ABCC6: variants seen among roughly 807,000 people sequenced by gnomAD.
The protein encoded by ABCC6 is ATP binding cassette subfamily C member 6.
In ABCC6, 126 loss-of-function variants were observed where a neutral mutation model predicts 169.5. The observed-to-expected ratio is 0.74, with a 90% CI of 0.64 to 0.86. ABCC6 has a LOEUF of 0.86. Among genes scored for constraint, ABCC6 ranks in the 40% least tolerant of loss-of-function variants. ABCC6 has a pLI of 0.00. For missense variants in ABCC6, 1,733 were observed against 1,927.2 expected (o/e 0.90, Z 1.89); for synonymous variants, 752 against 814.7 (o/e 0.92, Z 1.31).
At chr16:16,192,288 G>A (rs955767478) in intron 11 of ABCC6, among the ~76,000 whole-genome samples, 4 of 152,134 alleles carry the variant, frequency 2.6e-5, no homozygotes. Flanking sequence ...GAGGTTGGAA[G>A]CAATAAGGCC....
In ABCC6 at chr16:16,187,356, A is replaced by G. The variant is rs1217306256; in HGVS notation, c.1780-145T>C. 7.0e-6 allele frequency: 5 copies of G among 716,644 alleles called. No individual in the cohort carries two copies. In the East Asian group the frequency reaches 1.4e-4, roughly 19 times the overall value. The allele number at this position is 716,644 out of a possible 1,614,324, so 44.4% of individuals were successfully genotyped here. ...GCGTGAGGACAAAGCTTTCTAGTTC[A>G]TGGGAAACGATGCAACCCGAGTGGT... On this transcript the variant is annotated intron_variant, in intron 13 of 30. Transcript: ENST00000205557.
rs1388953241 is a variant in ABCC6 at position 16,150,743 on chromosome 16, G to C, written c.4238C>G (p.Ala1413Gly). Residue 1413 changes from alanine to glycine, a missense_variant, in exon 30 of 31, where the codon GCA becomes GGA. Coordinates refer to ENST00000205557, the MANE Select transcript of ABCC6 (RefSeq NM_001171.6). ...SVGQKQLLCLARALLRKTQIL... is the reference protein window; with the variant it reads ...SVGQKQLLCLGRALLRKTQIL... The stretch of plus-strand genomic sequence containing the variant: ...CTGGGTCTTCCGGAGAAGGGCACGT[G>C]CCAGACACAGGAGCTGTTTCTGGCC... 3.7e-6 allele frequency: 6 copies of C among 1,613,858 alleles called. No homozygotes were observed. Among genetic ancestry groups the C allele is most frequent in the Non-Finnish European group, 5.1e-6 (6 of 1,179,950 alleles).
intron 16 of ABCC6, 79 bp downstream of exon 16, chr16:16,182,725 G>A: frequency 6.2e-7 from 1 of 1,607,022 alleles, no homozygotes; most frequent in East Asian, 2.2e-5. Context: ...TGGCTGGGAT[G>A]GGGAGGGTGG....
Position 16,161,378 on chromosome 16 carries a change from G to A in ABCC6, c.3633+60C>T, listed in dbSNP as rs1470705095. 1.9e-6 allele frequency: 3 copies of A among 1,611,408 alleles called. No homozygotes were observed. In the Admixed American group the frequency reaches 5.0e-5, roughly 27 times the overall value. On this transcript the variant is annotated intron_variant, in intron 25 of 30. Transcript: ENST00000205557. ...GGTCTTCAAAGGTCCCACTAGCAGGGGTCCGACAGTCTCTGCCTCTGTCTG... is the reference window on the plus strand; with the variant it reads ...GGTCTTCAAAGGTCCCACTAGCAGGAGTCCGACAGTCTCTGCCTCTGTCTG...
intron 27 of ABCC6, chr16:16,155,369 T>C (rs201990075): frequency 1.3e-5 from 5 of 398,818 alleles, no homozygotes; most frequent in African/African-American, 1.0e-4. Flanking sequence ...TCCATCTGTC[T>C]GTCCGTCCAT....
In ABCC6 at chr16:16,157,791, T is replaced by C. The variant is rs1344983862; in HGVS notation, c.3754A>G (p.Thr1252Ala). 5.0e-6 allele frequency: 8 copies of C among 1,612,382 alleles called. No individual in the cohort carries two copies. The highest frequency in any genetic ancestry group is 6.8e-6 in the Non-Finnish European group (8 of 1,179,934). The change falls in exon 27 of 31, where the codon ACA (threonine) becomes GCA (alanine). Residue 1252 changes from threonine to alanine, a missense_variant. This residue lies in a region of ABCC6 where 1,601 missense variants were observed against 1,635.5 expected (regional missense o/e 0.98). Coordinates refer to ENST00000205557, the MANE Select transcript of ABCC6 (RefSeq NM_001171.6). ...TPKEAPWRLP[T>A]CAAQPPWPQG... Reference sequence around the variant, plus strand: ...GGCCAGGGGGGCTGAGCTGCACATGTGGGCAGCCTCCAGGGAGCCTGGAGC... The same window carrying C: ...GGCCAGGGGGGCTGAGCTGCACATGCGGGCAGCCTCCAGGGAGCCTGGAGC...
At chr16:16,154,598 C>T in intron 29 of ABCC6, 30 bp downstream of exon 29, 2 of 1,611,214 alleles carry the variant, frequency 1.2e-6, no homozygotes, top group East Asian at 4.5e-5. Flanking sequence ...CTCCCACCTG[C>T]AGGTCCCAGC....
intron 18 of ABCC6, among the ~76,000 whole-genome samples, chr16:16,178,078 C>G (rs1351231439): frequency 3.3e-5 from 5 of 151,990 alleles, no homozygotes; most frequent in Non-Finnish European, 5.9e-5. Context: ...GTAATCCCAG[C>G]ACTTTGGGAG....
chr16:16,182,970 T>C, intron 15 of ABCC6, 40 bp from the exon 16 acceptor site: 2 of 1,614,068 alleles, frequency 1.2e-6, no homozygotes, highest in Non-Finnish European at 1.7e-6. Context: ...TGGTTAGGGT[T>C]CAGCCCGCCT....
intron 7 of ABCC6, among the ~76,000 whole-genome samples, chr16:16,205,290 C>A (rs1385663630): frequency 1.3e-5 from 2 of 152,166 alleles, no homozygotes; most frequent in African/African-American, 2.4e-5. Flanking sequence ...GAAGCTGAGG[C>A]TCTGAGAGAT....
Position 16,187,118 on chromosome 16 carries a change from A to T in ABCC6, c.1867+6T>A. On this transcript the variant is annotated splice_donor_region_variant and intron_variant, in intron 14 of 30. Coordinates refer to ENST00000205557, the MANE Select transcript of ABCC6 (RefSeq NM_001171.6). ...CCACACCCCTCCTGCCAGACTCAGC[A>T]CTCACCGCTTCCAGAGGAACTTGAG... 1 of 1,610,628 alleles carries T rather than the reference A, an allele frequency of 6.2e-7. No homozygotes were observed. Among genetic ancestry groups the T allele is most frequent in the Non-Finnish European group, 8.5e-7 (1 of 1,177,874 alleles).
At position 16,154,935 on chromosome 16, in the gene ABCC6, C is replaced by T. The variant is rs79536709; in HGVS notation, c.3979G>A (p.Gly1327Arg). The T allele has an allele frequency of 1.5e-4, 244 of 1,600,910 alleles. 1 individual carries two copies. Among genetic ancestry groups the T allele is most frequent in the Non-Finnish European group, 1.7e-4 (199 of 1,174,006 alleles). ...AGCCCCACGTGGGCAATGGGGACCC[C>T]GTCGATCCAGATCCCACCCTCAGCT... is the stretch of plus-strand genomic sequence containing the variant. ...EAAEGGIWID[G>R]VPIAHVGLHT... The change falls in exon 28 of 31, where the codon GGG becomes AGG. Residue 1327 changes from glycine to arginine, a missense_variant. Gly to Arg is a moderately radical substitution (Grantham distance 125, BLOSUM62 -2). Coordinates refer to ENST00000205557, the MANE Select transcript of ABCC6 (RefSeq NM_001171.6).
rs769820268 is a variant in ABCC6, at chr16:16,157,723, G to T, written c.3822C>A (p.Tyr1274Ter). The T allele has an allele frequency of 6.2e-7, 1 of 1,614,026 alleles. No individual in the cohort carries two copies. Among genetic ancestry groups the T allele is most frequent in the Admixed American group, 1.7e-5 (1 of 60,016 alleles). Residue 1274 changes from tyrosine to a stop codon, truncating the protein, a stop_gained, in exon 27 of 31, where the codon TAC becomes TAA. Coordinates refer to ENST00000205557, the MANE Select transcript of ABCC6 (RefSeq NM_001171.6). LOFTEE classifies it high-confidence loss of function. ...GCACAGCCAGCGGGAGCTCAGGTCG[G>T]TATCTTAGCCCAAAGTCCCGGAACT... is the stretch of plus-strand genomic sequence containing the variant. ...QIEFRDFGLR[Y>*]RPELPLAVQG... is the part of the protein sequence containing the mutation.
Position 16,214,395 on chromosome 16 carries a change from C to A in ABCC6, c.529G>T (p.Val177Leu). 1 of 1,551,160 alleles carries A rather than the reference C, an allele frequency of 6.4e-7. No homozygotes were observed. Among genetic ancestry groups the A allele is most frequent in the Non-Finnish European group, 8.7e-7 (1 of 1,146,764 alleles). The change falls in exon 5 of 31, where the codon GTG becomes TTG. Residue 177 changes from valine (V) to leucine (L), a missense_variant. Transcript: ENST00000205557. ...HLSTYLCLSL[V>L]VAQFVLSCLA... ...CAGGACAGCACAAACTGTGCCACCA[C>A]CAGAGACAGGCATAGGTAGGTGGAC...
At chr16:16,189,142 G>A (rs576814193) in intron 12 of ABCC6, among the ~76,000 whole-genome samples, 168 bp from the exon 13 acceptor site, 6 of 152,300 alleles carry the variant, frequency 3.9e-5, no homozygotes, top group African/African-American at 7.2e-5. Context: ...TGTCCTCTCC[G>A]CAGTCATAAG....
chr16:16,190,077 T>C, intron 12 of ABCC6, 87 bp downstream of exon 12: 2 of 1,418,468 alleles, frequency 1.4e-6, no homozygotes, highest in Non-Finnish European at 2.0e-6. Context: ...GGTGGTAGGA[T>C]CTGGGGGGCT....
chr16:16,155,027 C>G lies in ABCC6; in HGVS notation c.3887G>C (p.Gly1296Ala). 6.4e-7 allele frequency: 1 copy of G among 1,554,378 alleles called. No individual in the cohort carries two copies. Among genetic ancestry groups the G allele is most frequent in the Non-Finnish European group, 8.7e-7 (1 of 1,149,844 alleles). ...SFKIHAGEKV[G>A]IVGRTGAGKS... ...CCCTGCCCCGGTCCTGCCAACGATG[C>G]CCACCTGCCCGGGGTTGGGAGGAAA... is the stretch of plus-strand genomic sequence containing the variant. The change falls in exon 28 of 31, where the codon GGC (glycine) becomes GCC (alanine). Residue 1296 changes from glycine to alanine, a missense_variant. Gly to Ala is a moderately conservative substitution (Grantham distance 60, BLOSUM62 0). Transcript: ENST00000205557.
rs1596577422 is a variant in ABCC6 at position 16,149,590 on chromosome 16, A to G, written c.*543T>C. 5 of 245,942 alleles carry G rather than the reference A, an allele frequency of 2.0e-5. No individual in the cohort carries two copies. In the East Asian group the frequency reaches 3.0e-4, roughly 15 times the overall value. The allele number at this position is 245,942 out of a possible 1,614,324, so 15.2% of individuals were successfully genotyped here. A position where few individuals can be genotyped will look rare whatever the true frequency, so the allele number is the denominator to read the frequency against. On this transcript the variant is annotated 3_prime_UTR_variant, in exon 31 of 31. Transcript: ENST00000205557. Reference sequence around the variant, plus strand: ...TACAGGTAAAACGGGAAATCGAGCAAGATTGTTGTGTCAATGTCAACACCC... The same window carrying G: ...TACAGGTAAAACGGGAAATCGAGCAGGATTGTTGTGTCAATGTCAACACCC...
At chr16:16,155,206 C>T (rs2046511344) in intron 27 of ABCC6, 175 bp from the exon 28 acceptor site, 3 of 711,906 alleles carry the variant, frequency 4.2e-6, no homozygotes, top group African/African-American at 3.6e-5. Flanking sequence ...ATCAATCCAT[C>T]CAGTCTTCCA....
Sources: gnomAD v4.1 joint callset for allele counts (sites outside exome capture counted in the v4.1 genomes callset) on GRCh38, gnomAD v4.1.1 for gene constraint, gnomAD v4.1.1 regional missense constraint, MANE v1.5 for transcripts, NCBI Gene and HGNC (gene_info 2026-07-23, HGNC 2026-07-21) for gene names.